The following CEACAM20 variants were observed in gnomAD, a reference collection of about 807,000 sequenced individuals.
CEACAM20 encodes the protein cell adhesion molecule CEACAM20.
CEACAM20 carries 50 observed loss-of-function variants against 61.2 expected under a neutral mutation model. The ratio of observed to expected loss-of-function variants is 0.82; its 90% CI spans 0.65 to 1.03. The LOEUF (loss-of-function observed/expected upper bound fraction) is 1.03, where lower values mean the gene tolerates loss of function less well. CEACAM20 is among the 50% of genes least tolerant of loss of function. CEACAM20 has a pLI of 0.00. For missense variants in CEACAM20, 683 were observed against 736.4 expected, an observed-to-expected ratio of 0.93 and a Z score of 0.84; for synonymous variants, 282 against 287.7, an observed-to-expected ratio of 0.98 and a Z score of 0.20.
In CEACAM20 at chr19:44,520,487, C is replaced by T. The variant is rs1158181295; in HGVS notation, c.1017G>A (p.Glu339=). The stretch of plus-strand genomic sequence containing the variant: ...TGGGTGACTCACAGTTGATGGTCAG[C>T]TCAAGGGGCTCACTCCGGGCCCGGC... ...WGSRARSEPL[E]LTINYGPDQV... is the part of the protein sequence containing the mutation. The change falls in exon 5 of 12, where the codon GAG becomes GAA. Residue 339 remains glutamate, a synonymous_variant. Transcript: ENST00000614924. The T allele has an allele frequency of 3.7e-6, 6 of 1,612,946 alleles. No individual in the cohort carries two copies. The highest frequency in any genetic ancestry group is 4.2e-6 in the Non-Finnish European group (5 of 1,179,796).
At position 44,510,616 on chromosome 19, in the gene CEACAM20, AAGG is replaced by A. The variant is rs1970965475; in HGVS notation, c.1737+411_1737+413del. Among the ~76,000 whole-genome samples, 494 of 89,684 alleles carry A rather than the reference AAGG, an allele frequency of 5.5e-3. 17 individuals carry two copies. The highest frequency in any genetic ancestry group is 0.015 in the East Asian group (45 of 3,070). 58.8% of individuals were successfully genotyped at this position (89,684 alleles called of 152,430 possible). On this transcript the variant is annotated intron_variant, in intron 11 of 11. Coordinates refer to ENST00000614924, the MANE Select transcript of CEACAM20 (RefSeq NM_001102597.3). Reference sequence around the variant, plus strand: ...AGAAAGAAAGAAAGAAAGAAAAAGGAAGGAAGGAAGAAAGAAAGAGAAGAAAGA... The same window carrying A: ...AGAAAGAAAGAAAGAAAGAAAAAGGAAAGGAAGAAAGAAAGAGAAGAAAGA...
At chr19:44,521,972 C>T (rs1244218723) in intron 4 of CEACAM20, among the ~76,000 whole-genome samples, 1 of 152,100 alleles carries the variant, frequency 6.6e-6, no homozygotes, top group African/African-American at 2.4e-5. Context: ...CCACCAGGGT[C>T]TCGTGCAGGA....
At chr19:44,529,408 G>T in intron 1 of CEACAM20, 50 bp downstream of exon 1, 8 of 1,446,450 alleles carry the variant, frequency 5.5e-6, no homozygotes, top group South Asian at 1.1e-5. Context: ...CTGACAAATA[G>T]ATGCATACAA....
intron 11 of CEACAM20, among the ~76,000 whole-genome samples, chr19:44,510,722 C>G (rs1472762780): frequency 6.6e-6 from 1 of 151,562 alleles, no homozygotes; most frequent in Non-Finnish European, 1.5e-5. Context: ...GAAATAAAAC[C>G]CAATGGGATG....
rs147391529 is a variant in CEACAM20, at chr19:44,506,167, G to A, written c.1785C>T (p.Ser595=). The A allele has an allele frequency of 4.7e-5, 76 of 1,613,310 alleles. No homozygotes were observed. The highest frequency in any genetic ancestry group is 1.8e-4 in the South Asian group (16 of 91,044). Residue 595 remains serine (S), a synonymous_variant, in exon 12 of 12, where the codon TCC becomes TCT. Transcript: ENST00000614924. ...GAAAAGATCTCTGCTTCCATTAGACGGAGGGGTTGATTTGGATGTAAGTGT... is the reference window on the plus strand; with the variant it reads ...GAAAAGATCTCTGCTTCCATTAGACAGAGGGGTTGATTTGGATGTAAGTGT... ...EPNTYIQINP[S]V
At chr19:44,525,725 G>A (rs779856377) in intron 1 of CEACAM20, among the ~76,000 whole-genome samples, 6 of 152,172 alleles carry the variant, frequency 3.9e-5, no homozygotes, top group Non-Finnish European at 8.8e-5. Context: ...TTACAGGCAT[G>A]AGCCCCTGTG....
At position 44,528,158 on chromosome 19, in the gene CEACAM20, T is replaced by TTTTCTTTCTTTCC. The variant is rs149014643; in HGVS notation, c.52+1287_52+1299dup. The stretch of plus-strand genomic sequence containing the variant: ...TCTCTTTCTTTCTTTTCTTTCTTTC[T>TTTTCTTTCTTTCC]TTTCTTTCTTTCCTTTCTTTCTTTC... On this transcript the variant is annotated intron_variant, in intron 1 of 11. Transcript: ENST00000614924. Among the ~76,000 whole-genome samples the TTTTCTTTCTTTCC allele has an allele frequency of 2.9e-3, 363 of 124,812 alleles. 2 individuals are homozygous for TTTTCTTTCTTTCC. The South Asian group carries it at 0.032, about 11-fold the overall frequency. The allele number at this position is 124,812 out of a possible 152,430, so 81.9% of individuals were successfully genotyped here. A position where few individuals can be genotyped will look rare whatever the true frequency, so the allele number is the denominator to read the frequency against.
At chr19:44,511,524 G>T in intron 10 of CEACAM20, 113 bp downstream of exon 10, 2 of 1,080,556 alleles carry the variant, frequency 1.9e-6, no homozygotes, top group Non-Finnish European at 2.8e-6. Context: ...CTGGCCCTGT[G>T]ATGTGCCATG....
At chr19:44,528,145 T>TTTCC (rs1555746305) in intron 1 of CEACAM20, among the ~76,000 whole-genome samples, 3 of 133,922 alleles carry the variant, frequency 2.2e-5, no homozygotes, top group African/African-American at 1.0e-4. Flanking sequence ...TCTTTCTTTC[T>TTTCC]TTTCTTTCTT....
At chr19:44,525,421 T>C (rs1454364891) in intron 1 of CEACAM20, among the ~76,000 whole-genome samples, 177 bp from the exon 2 acceptor site, 1 of 151,970 alleles carries the variant, frequency 6.6e-6, no homozygotes, top group Non-Finnish European at 1.5e-5. Flanking sequence ...TCTTGTTTGT[T>C]TGGTTTTTGT....
chr19:44,520,025 G>C lies in CEACAM20; in HGVS notation c.1030+449C>G, dbSNP rs370819685. Among the ~76,000 whole-genome samples the C allele has an allele frequency of 1.1e-4, 16 of 152,282 alleles. No individual in the cohort carries two copies. The South Asian group carries it at 1.7e-3, about 16-fold the overall frequency. ...CACTTGCATCTCAGTCTCTCAGTCT[G>C]ATGGCTCTCCCAGCCTCCCTGCAGC... On this transcript the variant is annotated intron_variant, in intron 5 of 11. Transcript: ENST00000614924.
chr19:44,514,085 C>T (rs552107906), intron 6 of CEACAM20, among the ~76,000 whole-genome samples: 1 of 152,180 alleles, frequency 6.6e-6, no homozygotes, highest in Non-Finnish European at 1.5e-5. Context: ...ACCAGAAACC[C>T]GGCTTTCACT....
intron 2 of CEACAM20, among the ~76,000 whole-genome samples, chr19:44,524,706 A>C (rs1971474636): frequency 6.6e-6 from 1 of 152,044 alleles, no homozygotes; most frequent in Non-Finnish European, 1.5e-5. Context: ...CAGCTTCCCA[A>C]ATAGCTGGGA....
At chr19:44,524,771 G>A (rs550694308) in intron 2 of CEACAM20, among the ~76,000 whole-genome samples, 1 of 151,954 alleles carries the variant, frequency 6.6e-6, no homozygotes, top group South Asian at 2.1e-4. Context: ...TGTACACATG[G>A]GGTCCCCCTA....
chr19:44,521,678 G>A (rs965993461), intron 4 of CEACAM20, among the ~76,000 whole-genome samples: 6 of 151,892 alleles, frequency 4.0e-5, no homozygotes, highest in East Asian at 3.9e-4. Flanking sequence ...GATGTGTTAC[G>A]TACTTTGTGA....
At chr19:44,521,621 T>C (rs1275000938) in intron 4 of CEACAM20, among the ~76,000 whole-genome samples, 3 of 151,904 alleles carry the variant, frequency 2.0e-5, no homozygotes, top group Non-Finnish European at 4.4e-5. Flanking sequence ...GTGTATGTGC[T>C]ATGGGTTTGT....
intron 9 of CEACAM20, 143 bp downstream of exon 9, chr19:44,511,874 G>T: frequency 1.1e-6 from 1 of 906,416 alleles, no homozygotes; most frequent in Non-Finnish European, 1.7e-6. Flanking sequence ...GAGATCCTCA[G>T]AGAAGTCAGA....
At chr19:44,518,792 G>A (rs1293246839) in intron 5 of CEACAM20, among the ~76,000 whole-genome samples, 2 of 151,844 alleles carry the variant, frequency 1.3e-5, no homozygotes, top group African/African-American at 4.8e-5. Context: ...GCTCCTCCTG[G>A]TCTCCCCATC....
chr19:44,517,402 C>T (rs1371024916), intron 5 of CEACAM20, among the ~76,000 whole-genome samples, 178 bp from the exon 6 acceptor site: 1 of 151,926 alleles, frequency 6.6e-6, no homozygotes, highest in Non-Finnish European at 1.5e-5. Context: ...CAGATCAAAA[C>T]AAAAACAAGG....
Sources: allele counts gnomAD v4.1 joint callset (sites outside exome capture counted in the v4.1 genomes callset), GRCh38; gene constraint gnomAD v4.1.1; transcripts MANE v1.5; gene names NCBI Gene and HGNC (gene_info 2026-07-23, HGNC 2026-07-21).